PPM1L: variants seen among roughly 807,000 people sequenced by gnomAD.
PPM1L encodes the protein protein phosphatase, Mg2+/Mn2+ dependent 1L.
Under a neutral mutation model 31.4 loss-of-function variants are expected in PPM1L, and 13 were observed. That is an observed-to-expected ratio of 0.41 (90% confidence interval 0.27 to 0.66). PPM1L has a LOEUF of 0.66. Among genes scored for constraint, PPM1L ranks in the 30% least tolerant of loss-of-function variants. PPM1L has a pLI of 0.29. For missense variants in PPM1L, 326 were observed against 453.7 expected (o/e 0.72, Z 2.56); for synonymous variants, 184 against 175.4 (o/e 1.05, Z -0.39).
At chr3:160,853,136 T>A (rs1417766481) in intron 1 of PPM1L, among the ~76,000 whole-genome samples, 1 of 152,164 alleles carries the variant, frequency 6.6e-6, no homozygotes, top group East Asian at 1.9e-4. Flanking sequence ...TCCTCTTTTG[T>A]CTGAAAACAC....
At chr3:160,815,519 G>A (rs1006382338) in intron 1 of PPM1L, among the ~76,000 whole-genome samples, 1 of 152,088 alleles carries the variant, frequency 6.6e-6, no homozygotes, top group Non-Finnish European at 1.5e-5. Context: ...AAGGTGCTGA[G>A]GAGCCTGCTT....
At chr3:160,842,106 C>T (rs949950315) in intron 1 of PPM1L, 1 of 591,684 alleles carries the variant, frequency 1.7e-6, no homozygotes, top group East Asian at 2.8e-5. Flanking sequence ...TGGAATATTA[C>T]ATAACCAATA....
At chr3:160,779,078 A>ATT (rs112076308) in intron 1 of PPM1L, among the ~76,000 whole-genome samples, 1 of 136,044 alleles carries the variant, frequency 7.4e-6, no homozygotes, top group Non-Finnish European at 1.6e-5. Context: ...CTGTTATTAC[A>ATT]TTTTTTTTTT....
chr3:160,906,876 A>G (rs1165896689), intron 1 of PPM1L, among the ~76,000 whole-genome samples: 1 of 152,244 alleles, frequency 6.6e-6, no homozygotes, highest in Non-Finnish European at 1.5e-5. Context: ...AAGCTTCCAC[A>G]GAGCAGCTTA....
chr3:160,950,087 A>T (rs559695328), intron 1 of PPM1L, among the ~76,000 whole-genome samples: 1 of 152,238 alleles, frequency 6.6e-6, no homozygotes, highest in East Asian at 1.9e-4. Flanking sequence ...TTTCCTCCAC[A>T]CAAAGTTAAA....
chr3:161,023,380 T>C (rs994007041), intron 2 of PPM1L, among the ~76,000 whole-genome samples: 1 of 152,176 alleles, frequency 6.6e-6, no homozygotes, highest in Non-Finnish European at 1.5e-5. Context: ...CAATTCATGA[T>C]GTTCCACAGA....
chr3:161,044,781 T>G (rs1719008112), intron 2 of PPM1L, among the ~76,000 whole-genome samples: 1 of 152,104 alleles, frequency 6.6e-6, no homozygotes, highest in Non-Finnish European at 1.5e-5. Context: ...ATATTAACCT[T>G]AAATGTAAAT....
At chr3:160,779,106 T>TAAA (rs36050523) in intron 1 of PPM1L, among the ~76,000 whole-genome samples, 1 of 145,598 alleles carries the variant, frequency 6.9e-6, no homozygotes, top group African/African-American at 2.5e-5. Context: ...CTTTCTGCTG[T>TAAA]AAAAAAAAAA....
intron 2 of PPM1L, among the ~76,000 whole-genome samples, chr3:161,048,895 A>G (rs1380180675): frequency 7.8e-6 from 1 of 129,018 alleles, no homozygotes; most frequent in African/African-American, 2.9e-5. Context: ...ACACTTGGAC[A>G]CAGGAAGGGG....
At chr3:160,861,444 T>C (rs769799608) in intron 1 of PPM1L, among the ~76,000 whole-genome samples, 1 of 152,208 alleles carries the variant, frequency 6.6e-6, no homozygotes, top group Non-Finnish European at 1.5e-5. Context: ...ATAATTCTTA[T>C]GCCAATTGCT....
At chr3:160,843,424 TTTTATATATA>T (rs1256018241) in intron 1 of PPM1L, among the ~76,000 whole-genome samples, 57 of 50,094 alleles carry the variant, frequency 1.1e-3, no homozygotes, top group African/African-American at 3.4e-3. Flanking sequence ...ATGGCAATTC[TTTTATATATA>T]TATATATATA....
At chr3:160,914,401 T>C (rs907466093) in intron 1 of PPM1L, among the ~76,000 whole-genome samples, 1 of 151,598 alleles carries the variant, frequency 6.6e-6, no homozygotes, top group Non-Finnish European at 1.5e-5. Context: ...AACTCCTCAT[T>C]TAACATTAGG....
At chr3:160,881,760 T>A (rs1712726644) in intron 1 of PPM1L, among the ~76,000 whole-genome samples, 5 of 152,092 alleles carry the variant, frequency 3.3e-5, no homozygotes, top group Admixed American at 3.3e-4. Flanking sequence ...AAGTAAGAGG[T>A]ATGTATTCCG....
intron 2 of PPM1L, among the ~76,000 whole-genome samples, chr3:161,011,162 A>G (rs1256981984): frequency 2.0e-5 from 3 of 152,192 alleles, no homozygotes; most frequent in Non-Finnish European, 4.4e-5. Context: ...CTAACATGTA[A>G]GTCTTTAATC....
chr3:161,060,774 G>A (rs1163753326), intron 2 of PPM1L, among the ~76,000 whole-genome samples: 1 of 150,182 alleles, frequency 6.7e-6, no homozygotes, highest in African/African-American at 2.5e-5. Flanking sequence ...ATGAGATAAG[G>A]TTATTAGGTT....
chr3:160,800,503 T>C (rs1297422528), intron 1 of PPM1L, among the ~76,000 whole-genome samples: 1 of 152,220 alleles, frequency 6.6e-6, no homozygotes, highest in Admixed American at 6.5e-5. Context: ...TAAAATGATA[T>C]CAAGAATGTT....
chr3:161,070,215 A>C lies in PPM1L; in HGVS notation c.*1058A>C, dbSNP rs1374242696. 6.6e-6 allele frequency: 1 copy of C among 152,238 alleles called. No individual in the cohort carries two copies. Among genetic ancestry groups the C allele is most frequent in the East Asian group, 1.9e-4 (1 of 5,188 alleles). The allele number at this position is 152,238 out of a possible 1,614,324, so 9.4% of individuals were successfully genotyped here. On this transcript the variant is annotated 3_prime_UTR_variant, in exon 4 of 4. Coordinates refer to ENST00000498165, the MANE Select transcript of PPM1L (RefSeq NM_139245.4). Reference sequence around the variant, plus strand: ...AGTGTCAGGCAGTGTTCTGAGAAGCAGCAGCCTATAACTGTATGTGTGTTC... The same window carrying C: ...AGTGTCAGGCAGTGTTCTGAGAAGCCGCAGCCTATAACTGTATGTGTGTTC...
Position 161,069,254 on chromosome 3 carries a change from TC to T in PPM1L, c.*99del. The T allele has an allele frequency of 2.2e-6, 2 of 929,320 alleles. No individual in the cohort carries two copies. Among genetic ancestry groups the T allele is most frequent in the Non-Finnish European group, 3.2e-6 (2 of 633,094 alleles). 57.6% of individuals were successfully genotyped at this position (929,320 alleles called of 1,614,324 possible). A position where few individuals can be genotyped will look rare whatever the true frequency, so the allele number is the denominator to read the frequency against. ...AGTGTGGGAGTTGTAATTAGGATCA[TC>T]CACCCCAGACATGGAATCCCCCCTC... On this transcript the variant is annotated 3_prime_UTR_variant, in exon 4 of 4. Coordinates refer to ENST00000498165, the MANE Select transcript of PPM1L (RefSeq NM_139245.4).
At chr3:160,779,697 A>ATT (rs111682834) in intron 1 of PPM1L, among the ~76,000 whole-genome samples, 3 of 137,882 alleles carry the variant, frequency 2.2e-5, no homozygotes, top group East Asian at 2.1e-4. Flanking sequence ...TAATTTTTGT[A>ATT]TTTTTTTTTT....
Sources: allele counts gnomAD v4.1 joint callset (sites outside exome capture counted in the v4.1 genomes callset), GRCh38; gene constraint gnomAD v4.1.1; transcripts MANE v1.5; gene names NCBI Gene and HGNC (gene_info 2026-07-23, HGNC 2026-07-21).